The following PTPRR variants were observed in gnomAD, a reference collection of about 807,000 sequenced individuals.
The protein encoded by PTPRR is protein tyrosine phosphatase receptor type R.
PTPRR carries 38 observed loss-of-function variants against 77.2 expected under a neutral mutation model. The ratio of observed to expected loss-of-function variants is 0.49; its 90% CI spans 0.38 to 0.65. The LOEUF is 0.65. PTPRR is among the 30% of genes least tolerant of loss of function. The pLI is 0.00. For missense variants in PTPRR, 744 were observed against 799.2 expected (o/e 0.93, Z 0.83); for synonymous variants, 299 against 283.1 (o/e 1.06, Z -0.57).
At chr12:70,692,249 A>C (rs77305534) in intron 8 of PTPRR, among the ~76,000 whole-genome samples, 5,254 of 152,190 alleles carry the variant, frequency 0.035, 130 homozygotes, top group Non-Finnish European at 0.05. Flanking sequence ...TTACATACTT[A>C]ACTATTATAT....
chr12:70,737,901 C>T (rs1194227980), intron 6 of PTPRR, among the ~76,000 whole-genome samples: 1 of 152,184 alleles, frequency 6.6e-6, no homozygotes, highest in Non-Finnish European at 1.5e-5. Flanking sequence ...CTATTCCCTT[C>T]TCTTTACTCA....
At chr12:70,650,270 C>T (rs1305529550) in intron 13 of PTPRR, among the ~76,000 whole-genome samples, 2 of 151,940 alleles carry the variant, frequency 1.3e-5, no homozygotes, top group South Asian at 4.2e-4. Flanking sequence ...TGGTGAAATC[C>T]TGCCTCTACT....
chr12:70,852,975 A>G (rs1249906784), intron 2 of PTPRR, among the ~76,000 whole-genome samples: 1 of 152,162 alleles, frequency 6.6e-6, no homozygotes, highest in Non-Finnish European at 1.5e-5. Context: ...TTACCGTGGC[A>G]AATTTCTATC....
intron 1 of PTPRR, among the ~76,000 whole-genome samples, chr12:70,900,606 A>G (rs1477330715): frequency 6.6e-6 from 1 of 151,696 alleles, no homozygotes; most frequent in Non-Finnish European, 1.5e-5. Flanking sequence ...GAATGGGAGA[A>G]AATATTTGCA....
intron 2 of PTPRR, among the ~76,000 whole-genome samples, chr12:70,892,156 A>G (rs1893348921): frequency 1.3e-5 from 2 of 152,054 alleles, no homozygotes; most frequent in Non-Finnish European, 2.9e-5. Context: ...AATATCAAAA[A>G]TGTTATCTAT....
chr12:70,737,512 AT>A lies in PTPRR; in HGVS notation c.1007+8305del, dbSNP rs1565674656. ...TATCTATCTATCTATCTATCTATCT[AT>A]CTATCTATCTATCTATCTATCTTTC... On this transcript the variant is annotated intron_variant, in intron 6 of 13. Coordinates refer to ENST00000283228, the MANE Select transcript of PTPRR (RefSeq NM_002849.4). Among the ~76,000 whole-genome samples the A allele has an allele frequency of 1.9e-3, 295 of 151,512 alleles. 2 individuals are homozygous for A. Among genetic ancestry groups the A allele is most frequent in the African/African-American group, 6.7e-3 (278 of 41,280 alleles).
intron 2 of PTPRR, among the ~76,000 whole-genome samples, chr12:70,860,173 C>T (rs955820109): frequency 2.6e-5 from 4 of 152,102 alleles, no homozygotes; most frequent in African/African-American, 9.7e-5. Flanking sequence ...CACAAGGCAG[C>T]ATATCATTTT....
intron 2 of PTPRR, among the ~76,000 whole-genome samples, chr12:70,882,617 T>A (rs185793612): frequency 7.4e-4 from 88 of 118,240 alleles, no homozygotes; most frequent in African/African-American, 4.2e-3. Flanking sequence ...GTAAGACCCA[T>A]TTTTTTTTTA....
At chr12:70,763,294 A>G (rs952357620) in intron 3 of PTPRR, among the ~76,000 whole-genome samples, 2 of 151,874 alleles carry the variant, frequency 1.3e-5, no homozygotes, top group African/African-American at 4.8e-5. Flanking sequence ...ATGCCCGGCC[A>G]ATTTTTTGTA....
At chr12:70,893,564 C>T (rs1227805776) in intron 1 of PTPRR, among the ~76,000 whole-genome samples, 3 of 151,850 alleles carry the variant, frequency 2.0e-5, no homozygotes, top group African/African-American at 4.8e-5. Flanking sequence ...TAGATAGAGA[C>T]TACATTTCTC....
intron 8 of PTPRR, among the ~76,000 whole-genome samples, chr12:70,696,847 T>G (rs1262660476): frequency 6.6e-6 from 1 of 152,176 alleles, no homozygotes; most frequent in African/African-American, 2.4e-5. Context: ...TTCATATAAA[T>G]GGACTACAAA....
At chr12:70,648,293 C>T (rs558394751) in intron 13 of PTPRR, among the ~76,000 whole-genome samples, 3 of 152,142 alleles carry the variant, frequency 2.0e-5, no homozygotes, top group African/African-American at 4.8e-5. Context: ...ATGACTATTG[C>T]GGCTATCCCA....
chr12:70,661,298 A>G, intron 11 of PTPRR: 2 of 668,214 alleles, frequency 3.0e-6, no homozygotes, highest in Non-Finnish European at 5.4e-6. Context: ...CAAAGTGAGA[A>G]AGTCATACCT....
At chr12:70,842,819 T>C (rs745428865) in intron 2 of PTPRR, among the ~76,000 whole-genome samples, 16 of 152,174 alleles carry the variant, frequency 1.1e-4, no homozygotes, top group Non-Finnish European at 2.2e-4. Context: ...TTGGCATGGA[T>C]ATCTTTTGGG....
intron 12 of PTPRR, among the ~76,000 whole-genome samples, chr12:70,658,917 T>TTTTTTA (rs1886690184): frequency 9.5e-6 from 1 of 105,364 alleles, no homozygotes; most frequent in African/African-American, 4.5e-5. Flanking sequence ...TTTTTTTTTA[T>TTTTTTA]AAGACAGAGT....
intron 13 of PTPRR, among the ~76,000 whole-genome samples, chr12:70,650,435 CAAACA>C (rs1376950455): frequency 2.7e-5 from 4 of 147,742 alleles, no homozygotes. Context: ...CTCAAAAAAA[CAAACA>C]AAACAAAACA....
chr12:70,768,003 A>G (rs1371937119), intron 2 of PTPRR, among the ~76,000 whole-genome samples: 7 of 152,074 alleles, frequency 4.6e-5, no homozygotes, highest in African/African-American at 9.7e-5. Flanking sequence ...TCTCTGGGAC[A>G]CATTCAAAGC....
chr12:70,792,395 T>G (rs1255444381), intron 2 of PTPRR, among the ~76,000 whole-genome samples: 4 of 152,220 alleles, frequency 2.6e-5, no homozygotes, highest in Non-Finnish European at 5.9e-5. Flanking sequence ...GTCATGTGGC[T>G]ACTCTTCAGG....
intron 6 of PTPRR, among the ~76,000 whole-genome samples, chr12:70,729,192 A>C (rs1406555557): frequency 1.3e-5 from 2 of 152,214 alleles, no homozygotes; most frequent in African/African-American, 2.4e-5. Flanking sequence ...AAATATATGC[A>C]TTTAAACTTA....
Sources: allele counts gnomAD v4.1 joint callset (sites outside exome capture counted in the v4.1 genomes callset), GRCh38; gene constraint gnomAD v4.1.1; transcripts MANE v1.5; gene names NCBI Gene and HGNC (gene_info 2026-07-23, HGNC 2026-07-21).